The following A2ML1 variants were observed in gnomAD, a reference collection of about 807,000 sequenced individuals.
A2ML1 encodes alpha-2-macroglobulin-like protein 1.
In A2ML1, 161 loss-of-function variants were observed where a neutral mutation model predicts 181.9. The ratio of observed to expected loss-of-function variants is 0.89; its 90% CI spans 0.78 to 1.01. A2ML1 has a LOEUF of 1.01. Ranked by LOEUF, A2ML1 falls within the 50% of genes least tolerant of loss-of-function variation. The pLI, the probability that A2ML1 is intolerant of heterozygous loss-of-function variation, is 0.00. For missense variants in A2ML1, 1,670 were observed against 1,768.1 expected (o/e 0.94, Z 1.00); for synonymous variants, 663 against 666.8 (o/e 0.99, Z 0.09).
At chr12:8,881,770 G>T (rs1053503938), downstream of A2ML1, among the ~76,000 whole-genome samples, 1 of 152,154 alleles carries the variant, frequency 6.6e-6, no homozygotes, top group African/African-American at 2.4e-5. Context: ...ACAGCACTTT[G>T]GGAGGCCGAG....
chr12:8,870,649 T>C (rs7301887), intron 33 of A2ML1, among the ~76,000 whole-genome samples: 1,871 of 152,294 alleles, frequency 0.012, 45 homozygotes, highest in African/African-American at 0.042. Flanking sequence ...TGTTTAAAAC[T>C]TTGCCAAGTT....
intron 15 of A2ML1, among the ~76,000 whole-genome samples, chr12:8,848,428 C>T (rs1943774587): frequency 6.6e-6 from 1 of 151,850 alleles, no homozygotes; most frequent in South Asian, 2.1e-4. Flanking sequence ...TTGCAGTGAG[C>T]CGAGATCGTC....
Position 8,843,129 on chromosome 12 carries a change from C to T in A2ML1, c.1249-5C>T, listed in dbSNP as rs373140661. The T allele has an allele frequency of 6.2e-7, 1 of 1,613,232 alleles. No homozygotes were observed. Among genetic ancestry groups the T allele is most frequent in the Non-Finnish European group, 8.5e-7 (1 of 1,179,284 alleles). ...TAAAATTCTCTCTCTCTCTTTTATT[C>T]TCAGGGAAAGTTTCAAATGGAAGAC... On this transcript the variant is annotated splice_polypyrimidine_tract_variant and splice_region_variant and intron_variant, in intron 11 of 35. Coordinates refer to ENST00000299698, the MANE Select transcript of A2ML1 (RefSeq NM_144670.6).
In A2ML1 at chr12:8,835,623, G is replaced by A. The variant is rs1257700579; in HGVS notation, c.600G>A (p.Val200=). ...TGCTGGGCACCTACACTGTGGCAGTGGCTGAGGGCAAGACCTTTGGTACTT... is the reference window on the plus strand; with the variant it reads ...TGCTGGGCACCTACACTGTGGCAGTAGCTGAGGGCAAGACCTTTGGTACTT... The part of the protein sequence containing the change: ...EAMLGTYTVA[V]AEGKTFGTFS... Residue 200 remains valine (V), a synonymous_variant, in exon 6 of 36, where the codon GTG becomes GTA. Coordinates refer to ENST00000299698, the MANE Select transcript of A2ML1 (RefSeq NM_144670.6). 6 of 1,614,196 alleles carry A rather than the reference G, an allele frequency of 3.7e-6. No homozygotes were observed. Among genetic ancestry groups the A allele is most frequent in the Non-Finnish European group, 5.1e-6 (6 of 1,180,022 alleles).
intron 6 of A2ML1, 34 bp from the exon 7 acceptor site, chr12:8,836,221 G>A: frequency 6.3e-7 from 1 of 1,587,966 alleles, no homozygotes; most frequent in Non-Finnish European, 8.6e-7. Context: ...TCCTCCTCCA[G>A]TGCTTTCTCC....
chr12:8,870,842 C>T (rs1243197520), intron 33 of A2ML1, among the ~76,000 whole-genome samples: 1 of 152,126 alleles, frequency 6.6e-6, no homozygotes, highest in Non-Finnish European at 1.5e-5. Flanking sequence ...ATGAACTGCT[C>T]CTCAGTGTGT....
Position 8,854,088 on chromosome 12 carries a change from T to C in A2ML1, c.2591-40T>C. On this transcript the variant is annotated intron_variant, in intron 20 of 35. Coordinates refer to ENST00000299698, the MANE Select transcript of A2ML1 (RefSeq NM_144670.6). ...TGGGAATGGACCTCACTGGTACCTCTGGCAATAGGGCTAATGGCTTCCCTT... is the reference window on the plus strand; with the variant it reads ...TGGGAATGGACCTCACTGGTACCTCCGGCAATAGGGCTAATGGCTTCCCTT... 2.0e-6 allele frequency: 3 copies of C among 1,504,768 alleles called. No homozygotes were observed. In the South Asian group the frequency reaches 4.3e-5, roughly 21 times the overall value. The allele number at this position is 1,504,768 out of a possible 1,614,324, so 93.2% of individuals were successfully genotyped here.
Position 8,823,234 on chromosome 12 carries a change from G to A in A2ML1, c.115G>A (p.Val39Ile), listed in dbSNP as rs1185024239. The A allele has an allele frequency of 2.5e-6, 4 of 1,614,126 alleles. No homozygotes were observed. The highest frequency in any genetic ancestry group is 3.4e-6 in the Non-Finnish European group (4 of 1,180,018). The part of the protein sequence containing the change: ...ARLNFPSVQK[V>I]CLDLSPGYSD... ...GCTAAATTTCCCCTCCGTTCAGAAG[G>A]TTTGTTTGGACCTGAGCCCTGGGTA... Residue 39 changes from valine to isoleucine, a missense_variant, in exon 2 of 36, where the codon GTT becomes ATT. Physicochemically the swap from Val to Ile is conservative, Grantham distance 29. Transcript: ENST00000299698.
chr12:8,875,323 C>A, intron 35 of A2ML1: 1 of 235,234 alleles, frequency 4.3e-6, no homozygotes. Context: ...GGTGATCTGC[C>A]CACCTCGGCC....
chr12:8,885,483 T>C (rs1270595670), intron 7 of A2ML1, among the ~76,000 whole-genome samples: 1 of 152,112 alleles, frequency 6.6e-6, no homozygotes, highest in Non-Finnish European at 1.5e-5. Context: ...AGGGTCTCAC[T>C]CTCTCACTCT....
chr12:8,837,383 G>A (rs1943317490), intron 7 of A2ML1, 57 bp from the exon 8 acceptor site: 5 of 1,601,398 alleles, frequency 3.1e-6, no homozygotes, highest in Admixed American at 3.4e-5. Flanking sequence ...TTTGAGGGAA[G>A]AGTTGGATCT....
At chr12:8,837,064 G>T (rs1263812663) in intron 7 of A2ML1, among the ~76,000 whole-genome samples, 2 of 152,014 alleles carry the variant, frequency 1.3e-5, no homozygotes, top group Non-Finnish European at 2.9e-5. Context: ...TGTCACGCAG[G>T]CTGGGGTGCA....
rs948332037 is a variant in A2ML1, at chr12:8,839,318, G to C, written c.1080+96G>C. 39 of 757,668 alleles carry C rather than the reference G, an allele frequency of 5.1e-5. No homozygotes were observed. In the African/African-American group the frequency reaches 6.4e-4, roughly 12 times the overall value. The allele number at this position is 757,668 out of a possible 1,614,324, so 46.9% of individuals were successfully genotyped here. ...ATAGCCACATAGCTAACTTAGTGCT[G>C]TTCCAAGTACTTTATGTGTATTCAT... On this transcript the variant is annotated intron_variant, in intron 10 of 35. Coordinates refer to ENST00000299698, the MANE Select transcript of A2ML1 (RefSeq NM_144670.6).
chr12:8,845,139 T>A, intron 12 of A2ML1: 1 of 1,485,946 alleles, frequency 6.7e-7, no homozygotes, highest in Non-Finnish European at 8.9e-7. Context: ...AAATAAAATT[T>A]GGAGATCTTC....
Position 8,857,457 on chromosome 12 carries a change from G to C in A2ML1, c.3026-50G>C, listed in dbSNP as rs765902386. ...TCCCATATCCTTGAACGGCATGGGG[G>C]TGTTTTCTGAAGTTGTCGCTGTGAT... On this transcript the variant is annotated intron_variant, in intron 24 of 35. Transcript: ENST00000299698. The C allele has an allele frequency of 8.7e-6, 14 of 1,609,070 alleles. No homozygotes were observed. The African/African-American group carries it at 1.7e-4, about 20-fold the overall frequency.
At chr12:8,880,789 A>G (rs1157023916), downstream of A2ML1, among the ~76,000 whole-genome samples, 2 of 152,222 alleles carry the variant, frequency 1.3e-5, no homozygotes, top group African/African-American at 2.4e-5. Context: ...TCATTAATTA[A>G]TAACATCTCA....
At chr12:8,854,674 G>T in intron 21 of A2ML1, 106 bp from the exon 22 acceptor site, 2 of 1,237,480 alleles carry the variant, frequency 1.6e-6, no homozygotes, top group East Asian at 2.4e-5. Context: ...GCAGTTCTGA[G>T]GGAAGCCCTG....
In A2ML1 at chr12:8,852,380, G is replaced by C. The variant is rs768125451; in HGVS notation, c.2590+44G>C. ...AGACGGGCGAGGAAAGCCAGCAGCAGAAGACCAGTGACTGAGCACTCAGTC... is the reference window on the plus strand; with the variant it reads ...AGACGGGCGAGGAAAGCCAGCAGCACAAGACCAGTGACTGAGCACTCAGTC... On this transcript the variant is annotated intron_variant, in intron 20 of 35. Coordinates refer to ENST00000299698, the MANE Select transcript of A2ML1 (RefSeq NM_144670.6). This position sits in a 1 kb window ranked among gnomAD's most constrained non-coding sequence, Gnocchi z 4.2. The C allele has an allele frequency of 1.9e-6, 3 of 1,610,992 alleles. No homozygotes were observed. Among genetic ancestry groups the C allele is most frequent in the Non-Finnish European group, 2.5e-6 (3 of 1,178,218 alleles).
chr12:8,877,627 C>G (rs1230399579), downstream of A2ML1, among the ~76,000 whole-genome samples: 1 of 152,070 alleles, frequency 6.6e-6, no homozygotes, highest in African/African-American at 2.4e-5. Context: ...AAAATCAAAA[C>G]CACAATGAGA....
Sources: gnomAD v4.1 joint callset for allele counts (sites outside exome capture counted in the v4.1 genomes callset) on GRCh38, gnomAD v4.1.1 for gene constraint, Gnocchi (gnomAD v3.1) non-coding constraint, MANE v1.5 for transcripts, NCBI Gene and HGNC (gene_info 2026-07-23, HGNC 2026-07-21) for gene names.